Variants in NVL observed in about 807,000 individuals in gnomAD.
The protein encoded by NVL is nuclear valosin-containing protein-like.
A neutral mutation model predicts 110.2 loss-of-function variants in NVL; 84 were observed. The ratio of observed to expected loss-of-function variants is 0.76; its 90% confidence interval spans 0.64 to 0.91. NVL has a LOEUF of 0.91. Among genes scored for constraint, NVL ranks in the 40% least tolerant of loss-of-function variants. The pLI is 0.00. For missense variants in NVL, 882 were observed against 1,035.9 expected, an observed-to-expected ratio of 0.85 and a Z score of 2.04; for synonymous variants, 354 against 361.1, an observed-to-expected ratio of 0.98 and a Z score of 0.22.
chr1:224,237,720 T>G (rs963196000), intron 19 of NVL, among the ~76,000 whole-genome samples: 7 of 112,146 alleles, frequency 6.2e-5, no homozygotes, highest in African/African-American at 2.1e-4. Flanking sequence ...CATGCCACCA[T>G]GCCTGGCTAC....
At chr1:224,248,124 T>A (rs1662062175) in intron 19 of NVL, among the ~76,000 whole-genome samples, 1 of 152,074 alleles carries the variant, frequency 6.6e-6, no homozygotes. Flanking sequence ...CACCTGAAAC[T>A]CAGAGAGCTC....
intron 13 of NVL, among the ~76,000 whole-genome samples, chr1:224,288,347 A>T (rs1290099446): frequency 6.6e-6 from 1 of 152,186 alleles, no homozygotes; most frequent in Non-Finnish European, 1.5e-5. Context: ...TTGAATCCTG[A>T]TGAAATTAAA....
intron 18 of NVL, among the ~76,000 whole-genome samples, chr1:224,265,585 A>G (rs953804930): frequency 6.6e-6 from 1 of 152,200 alleles, no homozygotes; most frequent in African/African-American, 2.4e-5. Context: ...AGGTTATTAC[A>G]GGAAACGAAA....
chr1:224,293,162 C>T (rs1003711658), intron 12 of NVL, among the ~76,000 whole-genome samples: 2 of 151,822 alleles, frequency 1.3e-5, no homozygotes, highest in African/African-American at 2.4e-5. Context: ...CTCCGCCTCC[C>T]GGGTTCACGC....
intron 22 of NVL, among the ~76,000 whole-genome samples, chr1:224,230,287 A>G (rs1659726091): frequency 6.6e-6 from 1 of 152,248 alleles, no homozygotes. Context: ...AGGTCAAATA[A>G]TACTTGAATC....
intron 15 of NVL, among the ~76,000 whole-genome samples, chr1:224,284,292 C>T (rs367732142): frequency 2.6e-5 from 4 of 151,810 alleles, no homozygotes; most frequent in African/African-American, 9.7e-5. Flanking sequence ...AAGAAAATCA[C>T]ATGTATGCCA....
In NVL at chr1:224,227,545, T is replaced by C; in HGVS notation, c.*81A>G. On this transcript the variant is annotated 3_prime_UTR_variant, in exon 23 of 23. Transcript: ENST00000281701. ...ACATGAGGCCGCGCCTGTGTCCAGC[T>C]GAAAGTGGGTCCTTCAGAGCGTGTG... is the stretch of plus-strand genomic sequence containing the variant. 1 of 1,301,516 alleles carries C rather than the reference T, an allele frequency of 7.7e-7. No homozygotes were observed. 80.6% of individuals were successfully genotyped at this position (1,301,516 alleles called of 1,614,324 possible).
intron 4 of NVL, among the ~76,000 whole-genome samples, chr1:224,315,057 CT>C (rs71168402): frequency 0.98 from 141,178 of 143,516 alleles, 69,439 homozygotes; most frequent in South Asian, 1. Context: ...AACTCTGTTT[CT>C]TTTTTTTTTT....
chr1:224,280,154 T>C (rs1666176292), intron 16 of NVL, among the ~76,000 whole-genome samples: 2 of 151,282 alleles, frequency 1.3e-5, no homozygotes, highest in Admixed American at 6.6e-5. Context: ...TGCAAGAAGC[T>C]TTAAGTGTAC....
Position 224,300,481 on chromosome 1 carries a change from A to G in NVL, c.1062+81T>C, listed in dbSNP as rs562563053. On this transcript the variant is annotated intron_variant, in intron 10 of 22. Transcript: ENST00000281701. ...GAATGGCCAGTGAGTGGGTTAACAA[A>G]TACTAGCATCAGAAAAAGCAGGATC... is the stretch of plus-strand genomic sequence containing the variant. 97 of 968,028 alleles carry G rather than the reference A, an allele frequency of 1.0e-4. No homozygotes were observed. The Admixed American group carries it at 2.2e-3, about 22-fold the overall frequency. The allele number at this position is 968,028 out of a possible 1,614,324, so 60.0% of individuals were successfully genotyped here.
intron 19 of NVL, among the ~76,000 whole-genome samples, chr1:224,240,051 A>C (rs1571786068): frequency 7.2e-6 from 1 of 138,506 alleles, no homozygotes; most frequent in African/African-American, 2.7e-5. Flanking sequence ...ATGCGCTACC[A>C]CGCTGGGTAA....
Position 224,317,781 on chromosome 1 carries a change from A to C in NVL, c.197T>G (p.Ile66Ser), listed in dbSNP as rs1256408419. The change falls in exon 4 of 23, where the codon ATT becomes AGT. Residue 66 changes from isoleucine (I) to serine (S), a missense_variant. By Grantham distance (142) the Ile-to-Ser change is moderately radical (BLOSUM62 -2). Around this residue, in one of 4 missense-constraint regions of NVL, gnomAD observed 274 missense variants for 268.4 expected, o/e 1.02. Coordinates refer to ENST00000281701, the MANE Select transcript of NVL (RefSeq NM_002533.4). ...RIQVEKVFSI[I>S]SSEKELKNLT... ...ATTCTTAAGTTCCTTCTCACTACTA[A>C]TTATGCTAAATACTGAAACAAAAAG... is the stretch of plus-strand genomic sequence containing the variant. 3.1e-6 allele frequency: 5 copies of C among 1,595,436 alleles called. No homozygotes were observed. Among genetic ancestry groups the C allele is most frequent in the Non-Finnish European group, 4.3e-6 (5 of 1,164,188 alleles).
At chr1:224,274,410 A>C (rs1665538926) in intron 17 of NVL, among the ~76,000 whole-genome samples, 1 of 151,802 alleles carries the variant, frequency 6.6e-6, no homozygotes, top group Non-Finnish European at 1.5e-5. Flanking sequence ...GCTGAGGCGG[A>C]TACATCACCT....
intron 2 of NVL, among the ~76,000 whole-genome samples, chr1:224,321,705 G>A (rs113799289): frequency 0.016 from 2,468 of 149,764 alleles, 60 homozygotes; most frequent in African/African-American, 0.056. Flanking sequence ...GCAGTGAGCC[G>A]AGATTGCCCC....
rs1289034779 is a variant in NVL, at chr1:224,237,959, TTC to T, written c.2290-1379_2290-1378del. Reference sequence around the variant, plus strand: ...ACAGTTGGAGAGTTGGAGACTTGGTTTCAAAAAAAAAAAAAAAAAAAAAAAAG... The same window carrying T: ...ACAGTTGGAGAGTTGGAGACTTGGTTAAAAAAAAAAAAAAAAAAAAAAAAG... On this transcript the variant is annotated intron_variant, in intron 19 of 22. Transcript: ENST00000281701. Among the ~76,000 whole-genome samples, 35 of 83,378 alleles carry T rather than the reference TTC, an allele frequency of 4.2e-4. 2 individuals carry two copies. The highest frequency in any genetic ancestry group is 4.7e-3 in the Middle Eastern group (1 of 212). The allele number at this position is 83,378 out of a possible 152,430, so 54.7% of individuals were successfully genotyped here.
chr1:224,236,544 C>T lies in NVL; in HGVS notation c.2328G>A (p.Leu776=). The T allele has an allele frequency of 6.2e-7, 1 of 1,613,952 alleles. No homozygotes were observed. Among genetic ancestry groups the T allele is most frequent in the Non-Finnish European group, 8.5e-7 (1 of 1,179,860 alleles). ...AGCGAAGGTCACCAGCAATTGCTTC[C>T]AAATTTACATCTGCATCCAGTGGTG... The part of the protein sequence containing the change: ...TKPPLDADVN[L]EAIAGDLRCD... The change falls in exon 20 of 23, where the codon TTG becomes TTA. Residue 776 remains leucine, a synonymous_variant. Coordinates refer to ENST00000281701, the MANE Select transcript of NVL (RefSeq NM_002533.4).
intron 8 of NVL, 130 bp downstream of exon 8, chr1:224,304,606 T>A: frequency 5.4e-6 from 4 of 739,300 alleles, no homozygotes; most frequent in Non-Finnish European, 9.4e-6. Context: ...ACAGGTCAGG[T>A]TTGCCCTTCT....
At position 224,273,052 on chromosome 1, in the gene NVL, C is replaced by CAAACAAAAAA; in HGVS notation, c.2082+2286_2082+2287insTTTTTTGTTT. On this transcript the variant is annotated intron_variant, in intron 17 of 22. Transcript: ENST00000281701. Reference sequence around the variant, plus strand: ...CCGTCTCAAAAAAAAACAAAAAAAACAAACAAACAAAAAAAAACACAACAA... The same window carrying CAAACAAAAAA: ...CCGTCTCAAAAAAAAACAAAAAAAACAAACAAAAAAAAACAAACAAAAAAAAACACAACAA... Among the ~76,000 whole-genome samples, 26 of 141,172 alleles carry CAAACAAAAAA rather than the reference C, an allele frequency of 1.8e-4. 1 individual carries two copies. Among genetic ancestry groups the CAAACAAAAAA allele is most frequent in the African/African-American group, 6.7e-4 (25 of 37,564 alleles). 92.6% of individuals were successfully genotyped at this position (141,172 alleles called of 152,430 possible). A position where few individuals can be genotyped will look rare whatever the true frequency, so the allele number is the denominator to read the frequency against.
rs772581112 is a variant in NVL at position 224,286,177 on chromosome 1, A to G, written c.1795-47T>C. On this transcript the variant is annotated intron_variant, in intron 14 of 22. Coordinates refer to ENST00000281701, the MANE Select transcript of NVL (RefSeq NM_002533.4). ...GCGATCCATTACATGTCCATTTTAT[A>G]CTGCAGGTTCAAATTATTTCCAGAT... is the stretch of plus-strand genomic sequence containing the variant. 4.5e-6 allele frequency: 6 copies of G among 1,333,496 alleles called. No individual in the cohort carries two copies. In the South Asian group the frequency reaches 7.3e-5, roughly 16 times the overall value. 82.6% of individuals were successfully genotyped at this position (1,333,496 alleles called of 1,614,324 possible). A position where few individuals can be genotyped will look rare whatever the true frequency, so the allele number is the denominator to read the frequency against.
Sources: gnomAD v4.1 joint callset for allele counts (sites outside exome capture counted in the v4.1 genomes callset) on GRCh38, gnomAD v4.1.1 for gene constraint, gnomAD v4.1.1 regional missense constraint, MANE v1.5 for transcripts, NCBI Gene and HGNC (gene_info 2026-07-23, HGNC 2026-07-21) for gene names.